Variants in RBM47 observed in about 807,000 individuals in gnomAD.
RBM47 encodes RNA-binding protein 47.
A neutral mutation model predicts 47.1 loss-of-function variants in RBM47; 21 were observed. That is an observed-to-expected ratio of 0.45 (90% CI 0.32 to 0.64). The LOEUF is 0.64. Ranked by LOEUF, RBM47 falls within the 30% of genes least tolerant of loss-of-function variation. RBM47 has a pLI of 0.05. For synonymous variants in RBM47, 375 were observed against 361.7 expected (o/e 1.04, Z -0.42); for missense variants, 708 against 870.9 (o/e 0.81, Z 2.35).
chr4:40,627,183 G>A (rs1737820913), intron 1 of RBM47, among the ~76,000 whole-genome samples: 1 of 152,170 alleles, frequency 6.6e-6, no homozygotes, highest in Non-Finnish European at 1.5e-5. Flanking sequence ...ATAACCTGTA[G>A]CTTGGAATCA....
intron 3 of RBM47, among the ~76,000 whole-genome samples, chr4:40,455,903 T>A (rs278947): frequency 0.91 from 138,738 of 152,288 alleles, 63,209 homozygotes; most frequent in South Asian, 0.93. Context: ...TTAGAGTCGT[T>A]AATTATCTGC....
At chr4:40,509,037 T>C (rs1724509964) in intron 2 of RBM47, among the ~76,000 whole-genome samples, 1 of 152,026 alleles carries the variant, frequency 6.6e-6, no homozygotes, top group African/African-American at 2.4e-5. Flanking sequence ...GGCGCGTGCC[T>C]GTAGCCCAGC....
chr4:40,530,543 A>T (rs1727288842), intron 2 of RBM47, among the ~76,000 whole-genome samples: 1 of 149,080 alleles, frequency 6.7e-6, no homozygotes, highest in African/African-American at 2.5e-5. Context: ...CCTGTGATCC[A>T]CCCGTCTCGG....
intron 2 of RBM47, among the ~76,000 whole-genome samples, chr4:40,538,567 T>G (rs936828475): frequency 6.6e-6 from 1 of 152,134 alleles, no homozygotes; most frequent in East Asian, 1.9e-4. Flanking sequence ...CCTTGTGATC[T>G]GCCCGCCTTG....
chr4:40,436,367 G>A (rs1212258245), intron 5 of RBM47, 74 bp downstream of exon 5: 4 of 1,437,616 alleles, frequency 2.8e-6, no homozygotes, highest in African/African-American at 1.4e-5. Context: ...CCTGAAAAAC[G>A]CTTGGATTCA....
At position 40,438,639 on chromosome 4, in the gene RBM47, G is replaced by A; in HGVS notation, c.255C>T (p.Asp85=). ...VGKIPRDVYE[D]ELVPVFEAVG... ...CGGCCTCGAACACGGGCACCAGCTC[G>A]TCCTCGTACACGTCGCGCGGGATCT... Residue 85 remains aspartate (D), a synonymous_variant, in exon 4 of 7, where the codon GAC becomes GAT. Transcript: ENST00000295971. 3.7e-6 allele frequency: 6 copies of A among 1,613,068 alleles called. No individual in the cohort carries two copies. Among genetic ancestry groups the A allele is most frequent in the South Asian group, 3.3e-5 (3 of 91,066 alleles).
At chr4:40,580,501 G>A (rs1732780890) in intron 1 of RBM47, among the ~76,000 whole-genome samples, 1 of 152,142 alleles carries the variant, frequency 6.6e-6, no homozygotes, top group Non-Finnish European at 1.5e-5. Context: ...GAGGGATGCT[G>A]AAGAGAAAGC....
In RBM47 at chr4:40,551,325, C is replaced by T. The variant is rs142273255; in HGVS notation, c.-239-6819G>A. ...TTTAAGGCCCTTTAGTACATACTTT[C>T]ACTTTTGCAACGTGGAATCAGCATA... On this transcript the variant is annotated intron_variant, in intron 1 of 6. Coordinates refer to ENST00000295971, the MANE Select transcript of RBM47 (RefSeq NM_001098634.2). 1.1e-3 allele frequency among the ~76,000 whole-genome samples: 172 copies of T among 152,294 alleles called. 1 individual carries two copies. The Middle Eastern group carries it at 0.02, about 18-fold the overall frequency.
At position 40,460,223 on chromosome 4, in the gene RBM47, T is replaced by G. The variant is rs139422788; in HGVS notation, c.-32+6354A>C. 5.7e-3 allele frequency among the ~76,000 whole-genome samples: 862 copies of G among 152,178 alleles called. 7 individuals are homozygous for G. The highest frequency in any genetic ancestry group is 0.02 in the African/African-American group (827 of 41,524). On this transcript the variant is annotated intron_variant, in intron 3 of 6. Coordinates refer to ENST00000295971, the MANE Select transcript of RBM47 (RefSeq NM_001098634.2). ...TAAAATTTCCATCACTGTTTTTTTT[T>G]TTTTTCTTTTTTCTTTTGGCCTTAA...
chr4:40,557,351 C>T (rs996238673), intron 1 of RBM47, among the ~76,000 whole-genome samples: 1 of 152,146 alleles, frequency 6.6e-6, no homozygotes, highest in Non-Finnish European at 1.5e-5. Context: ...ACTGGCTGTT[C>T]CTACTAGACT....
intron 2 of RBM47, among the ~76,000 whole-genome samples, chr4:40,506,030 ATC>A (rs1286718773): frequency 6.6e-6 from 1 of 152,210 alleles, no homozygotes; most frequent in Non-Finnish European, 1.5e-5. Flanking sequence ...TCATTATATG[ATC>A]TTTCTCTGAC....
intron 2 of RBM47, among the ~76,000 whole-genome samples, chr4:40,476,470 G>C (rs1314269482): frequency 6.6e-6 from 1 of 151,878 alleles, no homozygotes; most frequent in Non-Finnish European, 1.5e-5. Context: ...GCTAGAAATT[G>C]ATTTACTCAT....
rs1713461863 is a variant in RBM47, at chr4:40,440,559, A to AATAAATCTG, written c.-31-1644_-31-1636dup. 1.3e-5 allele frequency among the ~76,000 whole-genome samples: 2 copies of AATAAATCTG among 152,226 alleles called. 1 individual carries two copies. Among genetic ancestry groups the AATAAATCTG allele is most frequent in the South Asian group, 4.1e-4 (2 of 4,832 alleles). On this transcript the variant is annotated intron_variant, in intron 3 of 6. Transcript: ENST00000295971. ...AAAAAATAAAACTATAATGAAACAA[A>AATAAATCTG]ATAAATCTGAGCTATTTATTTGCCA...
At chr4:40,563,054 A>G (rs907178259) in intron 1 of RBM47, among the ~76,000 whole-genome samples, 8 of 152,198 alleles carry the variant, frequency 5.3e-5, no homozygotes, top group Non-Finnish European at 1.2e-4. Flanking sequence ...GCTAAAAATT[A>G]AAAGTATATT....
chr4:40,624,004 AC>A (rs1189601014), intron 1 of RBM47, among the ~76,000 whole-genome samples: 2 of 152,076 alleles, frequency 1.3e-5, no homozygotes, highest in Non-Finnish European at 2.9e-5. Context: ...GGCGTGTACC[AC>A]CACGCCTGGC....
At chr4:40,460,888 C>CAAAAAAA (rs35536750) in intron 3 of RBM47, among the ~76,000 whole-genome samples, 2 of 92,932 alleles carry the variant, frequency 2.2e-5, no homozygotes, top group Non-Finnish European at 4.0e-5. Context: ...GACTCTGTCT[C>CAAAAAAA]AAAAAAAAAA....
intron 2 of RBM47, among the ~76,000 whole-genome samples, chr4:40,489,153 C>T (rs1216987674): frequency 6.6e-6 from 1 of 152,200 alleles, no homozygotes; most frequent in Non-Finnish European, 1.5e-5. Context: ...TTTGCATGCC[C>T]TGACTGTTTC....
At chr4:40,471,767 A>G (rs3105209) in intron 2 of RBM47, among the ~76,000 whole-genome samples, 41,109 of 151,492 alleles carry the variant, frequency 0.27, 7,389 homozygotes, top group African/African-American at 0.5. Context: ...TTGCCCTTAG[A>G]CTAAGTTTGT....
chr4:40,615,303 C>A (rs1403771184), intron 1 of RBM47, among the ~76,000 whole-genome samples: 1 of 151,548 alleles, frequency 6.6e-6, no homozygotes, highest in Non-Finnish European at 1.5e-5. Context: ...ATTGGCCAGG[C>A]ATGAGGGTGT....
Sources: gnomAD v4.1 joint callset for allele counts (sites outside exome capture counted in the v4.1 genomes callset) on GRCh38, gnomAD v4.1.1 for gene constraint, MANE v1.5 for transcripts, NCBI Gene and HGNC (gene_info 2026-07-23, HGNC 2026-07-21) for gene names.